Variants in CACNA1C observed in about 807,000 individuals in gnomAD.
The protein encoded by CACNA1C is voltage-dependent L-type calcium channel subunit alpha-1C.
Under a neutral mutation model 229.0 loss-of-function variants are expected in CACNA1C, and 30 were observed. That is an observed-to-expected ratio of 0.13 (90% CI 0.10 to 0.18). The LOEUF (loss-of-function observed/expected upper bound fraction) is 0.18. CACNA1C is among the 10% of genes least tolerant of loss of function. CACNA1C has a pLI of 1.00. For missense variants in CACNA1C, 1,658 were observed against 2,845.0 expected (o/e 0.58, Z 9.49); for synonymous variants, 1,114 against 1,132.5 (o/e 0.98, Z 0.33).
At position 2,479,693 on chromosome 12, in the gene CACNA1C, A is replaced by C. The variant is rs991793806; in HGVS notation, c.758-6411A>C. 4.6e-5 allele frequency among the ~76,000 whole-genome samples: 7 copies of C among 152,204 alleles called. No individual in the cohort carries two copies. The highest frequency in any genetic ancestry group is 1.7e-4 in the African/African-American group (7 of 41,464). On this transcript the variant is annotated intron_variant, in intron 5 of 46. Transcript: ENST00000399655. This position sits in a 1 kb window ranked among gnomAD's most constrained non-coding sequence, Gnocchi z 4.3. ...TGTCCTGACTCCTGCCCCAGTCTTG[A>C]AAGTGGGCTGTCGCCTTAATGCTGG...
At chr12:2,243,792 A>G (rs183311384) in intron 3 of CACNA1C, among the ~76,000 whole-genome samples, 5 of 152,206 alleles carry the variant, frequency 3.3e-5, no homozygotes, top group African/African-American at 7.2e-5. Context: ...GGTTTTGCCA[A>G]TGCTGGGCAC....
chr12:2,480,498 GC>G (rs1337605685), intron 5 of CACNA1C, among the ~76,000 whole-genome samples: 1 of 152,352 alleles, frequency 6.6e-6, no homozygotes, highest in East Asian at 1.9e-4. Context: ...TGAGGGCAAG[GC>G]CTGCAGGGCT....
rs1158674344 is a variant in CACNA1C at position 2,054,130 on chromosome 12, G to A, written c.49+519G>A. Among the ~76,000 whole-genome samples, 1 of 151,196 alleles carries A rather than the reference G, an allele frequency of 6.6e-6. No homozygotes were observed. On this transcript the variant is annotated intron_variant, in intron 1 of 46. Transcript: ENST00000399655. The surrounding 1 kb of genome is among the most constrained non-coding windows in gnomAD (Gnocchi z 5.5). ...GCTGCCCGGCGTCCACTCTCGTCCA[G>A]GCGCCCCTGCCCTGGGCGGCGCGCT... is the stretch of plus-strand genomic sequence containing the variant.
rs915438290 is a variant in CACNA1C at position 2,146,656 on chromosome 12, T to C, written c.477+26226T>C. ...AAAGGCATATTCTGTGTTTCCACTA[T>C]TGACAGCCTCAATTATTGGTTTTCC... is the stretch of plus-strand genomic sequence containing the variant. On this transcript the variant is annotated intron_variant, in intron 3 of 46. Transcript: ENST00000399655. 2.6e-5 allele frequency among the ~76,000 whole-genome samples: 4 copies of C among 151,218 alleles called. 1 individual carries two copies. Among genetic ancestry groups the C allele is most frequent in the Non-Finnish European group, 5.9e-5 (4 of 67,586 alleles).
chr12:2,198,512 T>C (rs2097487540), intron 3 of CACNA1C, among the ~76,000 whole-genome samples: 1 of 152,224 alleles, frequency 6.6e-6, no homozygotes, highest in South Asian at 2.1e-4. Context: ...TGCGGCACCA[T>C]GTTGATGAGC....
chr12:2,563,327 G>T (rs896691678), intron 11 of CACNA1C, among the ~76,000 whole-genome samples: 6 of 152,150 alleles, frequency 3.9e-5, no homozygotes, highest in Non-Finnish European at 7.3e-5. Flanking sequence ...AAATAGTGCC[G>T]CAGTGAACAT....
At chr12:2,171,161 G>T (rs188142260) in intron 3 of CACNA1C, among the ~76,000 whole-genome samples, 2 of 152,220 alleles carry the variant, frequency 1.3e-5, no homozygotes, top group Non-Finnish European at 2.9e-5. Context: ...TGAAGGCCAG[G>T]GAAGGGCAGG....
chr12:2,090,902 T>G (rs190521636), intron 1 of CACNA1C, among the ~76,000 whole-genome samples: 60 of 151,926 alleles, frequency 3.9e-4, no homozygotes, highest in Middle Eastern at 3.4e-3. Context: ...CTGGCTCTTG[T>G]TAATTTCTAT....
chr12:2,172,992 A>G (rs748811762), intron 3 of CACNA1C, among the ~76,000 whole-genome samples: 1 of 152,184 alleles, frequency 6.6e-6, no homozygotes, highest in Non-Finnish European at 1.5e-5. Context: ...GGACGTTTGC[A>G]GACAGGAGAC....
At chr12:2,070,676 G>T (rs939457334) in intron 1 of CACNA1C, among the ~76,000 whole-genome samples, 1 of 152,112 alleles carries the variant, frequency 6.6e-6, no homozygotes, top group African/African-American at 2.4e-5. Context: ...TCTAATTTTT[G>T]AAAAGATATA....
chr12:2,064,916 C>T (rs2058778211), intron 1 of CACNA1C, among the ~76,000 whole-genome samples: 1 of 152,184 alleles, frequency 6.6e-6, no homozygotes, highest in Non-Finnish European at 1.5e-5. Flanking sequence ...TAATCAGAGA[C>T]CTGGGTATGG....
rs191699810 is a variant in CACNA1C, at chr12:2,114,164, C to T, written c.50-1060C>T. ...AATTCAAAAAGTTACTGATTTGGGG[C>T]AGTCCTGACTTGGGGTCTCTCCTGG... is the stretch of plus-strand genomic sequence containing the variant. On this transcript the variant is annotated intron_variant, in intron 1 of 46. Transcript: ENST00000399655. Among the ~76,000 whole-genome samples the T allele has an allele frequency of 3.0e-4, 46 of 152,354 alleles. 1 individual carries two copies. The East Asian group carries it at 8.9e-3, about 29-fold the overall frequency.
At chr12:2,076,473 C>T (rs138670862) in intron 1 of CACNA1C, among the ~76,000 whole-genome samples, 10 of 152,184 alleles carry the variant, frequency 6.6e-5, no homozygotes, top group Admixed American at 2.0e-4. Context: ...TTTCTTCTCC[C>T]CTTCCTTCCC....
intron 3 of CACNA1C, among the ~76,000 whole-genome samples, chr12:2,400,442 A>G (rs11836545): frequency 0.22 from 32,744 of 152,114 alleles, 4,503 homozygotes; most frequent in African/African-American, 0.39. Context: ...GCATGCGATC[A>G]GAGTCAGAGG....
intron 3 of CACNA1C, among the ~76,000 whole-genome samples, chr12:2,126,546 A>AACAGT (rs2090139606): frequency 6.6e-6 from 1 of 152,240 alleles, no homozygotes; most frequent in South Asian, 2.1e-4. Context: ...TTGTGCAAAG[A>AACAGT]ACAGTGCATG....
At chr12:2,491,962 T>TTCTCTCTC (rs57394200) in intron 6 of CACNA1C, among the ~76,000 whole-genome samples, 112 of 147,248 alleles carry the variant, frequency 7.6e-4, no homozygotes, top group Non-Finnish European at 9.4e-4. Flanking sequence ...TATAAGCAAA[T>TTCTCTCTC]TCTCTCTCTC....
intron 1 of CACNA1C, among the ~76,000 whole-genome samples, chr12:2,103,455 C>A (rs971779211): frequency 2.0e-5 from 3 of 151,688 alleles, no homozygotes; most frequent in Non-Finnish European, 4.4e-5. Context: ...TGTTTAAGTT[C>A]TTTGTAGATT....
intron 3 of CACNA1C, among the ~76,000 whole-genome samples, chr12:2,165,834 C>A (rs2096193346): frequency 6.6e-6 from 1 of 152,182 alleles, no homozygotes; most frequent in Admixed American, 6.5e-5. Context: ...AGACTTAGGA[C>A]TTCCAGATCT....
intron 3 of CACNA1C, among the ~76,000 whole-genome samples, chr12:2,292,232 C>T (rs1039746171): frequency 6.6e-6 from 1 of 152,180 alleles, no homozygotes; most frequent in African/African-American, 2.4e-5. Flanking sequence ...AATCTGTGTA[C>T]AATAGTGAGT....
Sources: gnomAD v4.1 joint callset for allele counts (sites outside exome capture counted in the v4.1 genomes callset) on GRCh38, gnomAD v4.1.1 for gene constraint, Gnocchi (gnomAD v3.1) non-coding constraint, MANE v1.5 for transcripts, NCBI Gene and HGNC (gene_info 2026-07-23, HGNC 2026-07-21) for gene names.